ALK: variants seen among roughly 807,000 people sequenced by gnomAD.
The protein encoded by ALK is ALK receptor tyrosine kinase, also known as ALK tyrosine kinase receptor.
In ALK, 74 loss-of-function variants were observed where a neutral mutation model predicts 163.1. The ratio of observed to expected loss-of-function variants is 0.45; its 90% CI spans 0.38 to 0.55. The LOEUF (loss-of-function observed/expected upper bound fraction) is 0.55, where lower values mean the gene tolerates loss of function less well. ALK is among the 20% of genes least tolerant of loss of function. The pLI is 0.00. For synonymous variants in ALK, 960 were observed against 843.2 expected, an observed-to-expected ratio of 1.14 and a Z score of -2.40; for missense variants, 2,063 against 2,105.3, an observed-to-expected ratio of 0.98 and a Z score of 0.39.
chr2:29,412,295 G>A (rs763470321), intron 4 of ALK, among the ~76,000 whole-genome samples: 4 of 152,196 alleles, frequency 2.6e-5, no homozygotes, highest in African/African-American at 9.7e-5. Context: ...ATTCAGGAAG[G>A]CATCTTGGAG....
intron 3 of ALK, among the ~76,000 whole-genome samples, chr2:29,605,513 A>G (rs1178135378): frequency 6.6e-6 from 1 of 152,210 alleles, no homozygotes; most frequent in African/African-American, 2.4e-5. Context: ...TTTGGGAGAT[A>G]GATGACTTAG....
intron 4 of ALK, among the ~76,000 whole-genome samples, chr2:29,461,153 G>A (rs1034192147): frequency 6.6e-6 from 1 of 152,186 alleles, no homozygotes; most frequent in African/African-American, 2.4e-5. Context: ...AGAGAGGCGA[G>A]GAAGCTGCAG....
intron 1 of ALK, among the ~76,000 whole-genome samples, chr2:29,770,413 C>G (rs1680987932): frequency 1.3e-5 from 2 of 152,222 alleles, no homozygotes; most frequent in Non-Finnish European, 2.9e-5. Context: ...GTCCCAACAA[C>G]AAGCTCAGGG....
At chr2:29,262,298 C>G (rs1243626105) in intron 11 of ALK, among the ~76,000 whole-genome samples, 1 of 152,218 alleles carries the variant, frequency 6.6e-6, no homozygotes, top group Non-Finnish European at 1.5e-5. Flanking sequence ...GCTGTTCTTC[C>G]AGCTTGTTTC....
At chr2:29,205,806 C>T (rs1669295481) in intron 26 of ALK, among the ~76,000 whole-genome samples, 1 of 152,172 alleles carries the variant, frequency 6.6e-6, no homozygotes, top group Non-Finnish European at 1.5e-5. Flanking sequence ...TGCAAAGACC[C>T]ATTTTCCTTA....
chr2:29,762,787 C>T (rs932307606), intron 1 of ALK, among the ~76,000 whole-genome samples: 4 of 152,128 alleles, frequency 2.6e-5, no homozygotes, highest in African/African-American at 9.7e-5. Flanking sequence ...ATGGCAGGGC[C>T]TCTTTAAAAG....
At chr2:29,670,181 G>C (rs543908604) in intron 3 of ALK, among the ~76,000 whole-genome samples, 1 of 152,162 alleles carries the variant, frequency 6.6e-6, no homozygotes, top group African/African-American at 2.4e-5. Flanking sequence ...ACTACCTTTA[G>C]CATTTCTTTT....
chr2:29,842,272 T>G (rs12464131), intron 1 of ALK, among the ~76,000 whole-genome samples: 1 of 152,104 alleles, frequency 6.6e-6, no homozygotes, highest in Non-Finnish European at 1.5e-5. Flanking sequence ...TAGATTCTCA[T>G]GGTTGCAACG....
At chr2:29,195,421 C>T (rs1668998114) in intron 28 of ALK, among the ~76,000 whole-genome samples, 1 of 152,116 alleles carries the variant, frequency 6.6e-6, no homozygotes, top group Non-Finnish European at 1.5e-5. Context: ...AAAAATGTGT[C>T]TGTCTTTAGT....
intron 1 of ALK, among the ~76,000 whole-genome samples, chr2:29,824,443 C>A (rs1358879036): frequency 6.6e-6 from 1 of 152,234 alleles, no homozygotes; most frequent in Non-Finnish European, 1.5e-5. Context: ...GGAAAAGCCA[C>A]AGACACTCAA....
intron 8 of ALK, among the ~76,000 whole-genome samples, chr2:29,308,186 G>T (rs1163364988): frequency 9.2e-5 from 14 of 151,854 alleles, no homozygotes; most frequent in Non-Finnish European, 1.8e-4. Flanking sequence ...GACTAATATT[G>T]ATATGGGAAA....
At chr2:29,236,843 T>C (rs1228982782) in intron 13 of ALK, among the ~76,000 whole-genome samples, 1 of 152,232 alleles carries the variant, frequency 6.6e-6, no homozygotes, top group Non-Finnish European at 1.5e-5. Flanking sequence ...CTCAAATTTA[T>C]GCTAATTTCT....
chr2:29,564,426 A>T (rs899678687), intron 3 of ALK, among the ~76,000 whole-genome samples: 2 of 131,112 alleles, frequency 1.5e-5, no homozygotes, highest in African/African-American at 5.9e-5. Context: ...CCTTGCATAA[A>T]GGATCCCTAC....
At chr2:29,916,872 C>T (rs1558547918) in intron 1 of ALK, among the ~76,000 whole-genome samples, 1 of 152,152 alleles carries the variant, frequency 6.6e-6, no homozygotes, top group Non-Finnish European at 1.5e-5. Context: ...TTTGGGCTGT[C>T]CTGGGAGAGG....
At chr2:29,883,580 C>T (rs58010660) in intron 1 of ALK, among the ~76,000 whole-genome samples, 3 of 152,152 alleles carry the variant, frequency 2.0e-5, no homozygotes, top group Non-Finnish European at 4.4e-5. Flanking sequence ...GTAAAGAATG[C>T]TGAATTGAAA....
chr2:29,633,021 C>T (rs1339682147), intron 3 of ALK, among the ~76,000 whole-genome samples: 1 of 152,162 alleles, frequency 6.6e-6, no homozygotes, highest in East Asian at 1.9e-4. Context: ...CAGGAACAAA[C>T]CATATCATCC....
At chr2:29,674,955 T>C (rs1365746032) in intron 3 of ALK, among the ~76,000 whole-genome samples, 1 of 145,940 alleles carries the variant, frequency 6.9e-6, no homozygotes, top group Non-Finnish European at 1.5e-5. Context: ...TTCTAGTTTA[T>C]TTGCATAGAG....
intron 4 of ALK, among the ~76,000 whole-genome samples, chr2:29,431,776 G>A (rs1306281394): frequency 1.3e-5 from 2 of 152,104 alleles, no homozygotes; most frequent in East Asian, 1.9e-4. Context: ...GAATCAATCT[G>A]TGAACTATGA....
chr2:29,373,277 G>A (rs562597750), intron 5 of ALK, among the ~76,000 whole-genome samples: 1 of 151,916 alleles, frequency 6.6e-6, no homozygotes, highest in East Asian at 1.9e-4. Context: ...ATTTATAAGC[G>A]GTAACAACAC....
Sources: gnomAD v4.1 joint callset for allele counts (sites outside exome capture counted in the v4.1 genomes callset) on GRCh38, gnomAD v4.1.1 for gene constraint, MANE v1.5 for transcripts, NCBI Gene and HGNC (gene_info 2026-07-23, HGNC 2026-07-21) for gene names.